USP47: variants seen among roughly 807,000 people sequenced by gnomAD.
The protein encoded by USP47 is ubiquitin carboxyl-terminal hydrolase 47.
USP47 carries 35 observed loss-of-function variants against 165.1 expected under a neutral mutation model. That is an observed-to-expected ratio of 0.21 (90% confidence interval 0.16 to 0.28). The LOEUF is 0.28. USP47 is among the 10% of genes least tolerant of loss of function. The pLI is 1.00. For missense variants in USP47, 1,277 were observed against 1,607.4 expected (o/e 0.79, Z 3.52); for synonymous variants, 531 against 544.5 (o/e 0.98, Z 0.35).
At chr11:11,883,757 C>T (rs1464934966) in intron 2 of USP47, among the ~76,000 whole-genome samples, 4 of 152,136 alleles carry the variant, frequency 2.6e-5, no homozygotes, top group Non-Finnish European at 1.5e-5. Flanking sequence ...ATTAGAATGA[C>T]AGCTAGAGTT....
intron 5 of USP47, among the ~76,000 whole-genome samples, chr11:11,898,208 G>A (rs1181312062): frequency 6.6e-6 from 1 of 151,958 alleles, no homozygotes; most frequent in East Asian, 1.9e-4. Flanking sequence ...TATGGAGGAA[G>A]TCTATGTTTA....
At chr11:11,913,448 A>G (rs537042164) in intron 8 of USP47, among the ~76,000 whole-genome samples, 2 of 152,002 alleles carry the variant, frequency 1.3e-5, no homozygotes, top group African/African-American at 4.8e-5. Flanking sequence ...CAAAAAATGT[A>G]CTGGACCTAT....
At chr11:11,884,877 A>G (rs61870721) in intron 3 of USP47, among the ~76,000 whole-genome samples, 2,556 of 152,296 alleles carry the variant, frequency 0.017, 33 homozygotes, top group Middle Eastern at 0.034. Flanking sequence ...TCAAAGTGCC[A>G]CAAAGATCTC....
chr11:11,942,548 G>A lies in USP47; in HGVS notation c.2527G>A (p.Val843Ile). ...DDDCERVKGP[V>I]GSLKSVEAIL... Reference sequence around the variant, plus strand: ...TGACTGTGAAAGAGTCAAAGGACCTGTAGGAAGCCTAAAGTCTGTGGAAGC... The same window carrying A: ...TGACTGTGAAAGAGTCAAAGGACCTATAGGAAGCCTAAAGTCTGTGGAAGC... The change falls in exon 20 of 28, where the codon GTA becomes ATA. Residue 843 changes from valine to isoleucine, a missense_variant. This residue lies in a region of USP47 where 909 missense variants were observed against 1,068.1 expected (regional missense o/e 0.85). Transcript: ENST00000527733. The A allele has an allele frequency of 1.4e-5, 22 of 1,613,574 alleles. No homozygotes were observed. The highest frequency in any genetic ancestry group is 1.7e-5 in the Non-Finnish European group (20 of 1,179,768).
chr11:11,909,249 A>G lies in USP47; in HGVS notation c.969+3701A>G, dbSNP rs117813154. ...TTTTTATTAATCCTGAAAAATTAATATCAGCTGAAGAATTACTTGTAGTAA... is the reference window on the plus strand; with the variant it reads ...TTTTTATTAATCCTGAAAAATTAATGTCAGCTGAAGAATTACTTGTAGTAA... On this transcript the variant is annotated intron_variant, in intron 8 of 27. Coordinates refer to ENST00000527733, the MANE Select transcript of USP47 (RefSeq NM_001282659.2). Among the ~76,000 whole-genome samples the G allele has an allele frequency of 2.9e-3, 439 of 152,282 alleles. 2 individuals are homozygous for G. Among genetic ancestry groups the G allele is most frequent in the Non-Finnish European group, 4.4e-3 (299 of 67,986 alleles).
intron 8 of USP47, 123 bp from the exon 9 acceptor site, chr11:11,920,033 T>G (rs940365786): frequency 1.2e-5 from 8 of 641,110 alleles, no homozygotes; most frequent in Non-Finnish European, 1.9e-5. Context: ...TTGGTACATT[T>G]TGAGTTCCTA....
At chr11:11,929,681 C>T (rs1787705111) in intron 12 of USP47, 116 bp downstream of exon 12, 19 of 1,368,420 alleles carry the variant, frequency 1.4e-5, no homozygotes, top group African/African-American at 2.9e-5. Context: ...TCTTAAGACC[C>T]ATATCAAATC....
intron 1 of USP47, among the ~76,000 whole-genome samples, chr11:11,857,948 T>G (rs767863157): frequency 6.6e-5 from 10 of 152,114 alleles, no homozygotes; most frequent in Non-Finnish European, 1.3e-4. Context: ...ACCAATCAGA[T>G]GTTTGCATAG....
intron 1 of USP47, among the ~76,000 whole-genome samples, chr11:11,846,873 CT>C (rs1378705282): frequency 6.6e-6 from 1 of 151,976 alleles, no homozygotes; most frequent in African/African-American, 2.4e-5. Context: ...TTTAGTGATT[CT>C]TTTAAAATGA....
intron 1 of USP47, among the ~76,000 whole-genome samples, chr11:11,878,081 C>A (rs569708968): frequency 2.2e-4 from 33 of 151,944 alleles, no homozygotes; most frequent in Non-Finnish European, 2.2e-4. Context: ...CATATTTAGT[C>A]TTTAGATAGG....
chr11:11,890,847 C>A (rs1040996761), intron 3 of USP47, among the ~76,000 whole-genome samples: 1 of 152,164 alleles, frequency 6.6e-6, no homozygotes, highest in African/African-American at 2.4e-5. Context: ...CTAACAAGAT[C>A]ATGTCCTTTG....
chr11:11,910,486 C>T (rs1852886238), intron 8 of USP47, among the ~76,000 whole-genome samples: 1 of 152,110 alleles, frequency 6.6e-6, no homozygotes, highest in Non-Finnish European at 1.5e-5. Flanking sequence ...TCAACTTGTG[C>T]CTGCCAGTGC....
chr11:11,938,580 G>A (rs1855241848), intron 18 of USP47, among the ~76,000 whole-genome samples: 1 of 152,060 alleles, frequency 6.6e-6, no homozygotes, highest in African/African-American at 2.4e-5. Context: ...CAACTTATAT[G>A]TGTTGGCTGG....
intron 1 of USP47, among the ~76,000 whole-genome samples, chr11:11,852,481 T>C (rs1283238768): frequency 6.6e-6 from 1 of 152,188 alleles, no homozygotes; most frequent in Admixed American, 6.5e-5. Context: ...TTCCTTACTT[T>C]CCAACACCAC....
intron 8 of USP47, among the ~76,000 whole-genome samples, chr11:11,910,455 A>G (rs116328646): frequency 2.2e-3 from 336 of 152,216 alleles, no homozygotes; most frequent in African/African-American, 7.7e-3. Context: ...ACCAAACACC[A>G]CAGAAAGAAA....
chr11:11,948,931 T>C (rs985665602), intron 22 of USP47: 1 of 191,426 alleles, frequency 5.2e-6, no homozygotes, highest in Non-Finnish European at 1.1e-5. Flanking sequence ...TTTGTGCGTG[T>C]GCTTGCTTTC....
Position 11,942,579 on chromosome 11 carries a change from T to C in USP47, c.2558T>C (p.Leu853Pro), listed in dbSNP as rs760098524. ...VGSLKSVEAI[L>P]EESTEKLKSL... ...AGCCTAAAGTCTGTGGAAGCTATTC[T>C]AGAAGAAAGCACTGAAAAACTCAAA... is the stretch of plus-strand genomic sequence containing the variant. The change falls in exon 20 of 28, where the codon CTA becomes CCA. Residue 853 changes from leucine (L) to proline (P), a missense_variant. Around this residue, in one of 4 missense-constraint regions of USP47, gnomAD observed 909 missense variants for 1,068.1 expected, o/e 0.85. Coordinates refer to ENST00000527733, the MANE Select transcript of USP47 (RefSeq NM_001282659.2). 1 of 1,613,360 alleles carries C rather than the reference T, an allele frequency of 6.2e-7. No individual in the cohort carries two copies. The highest frequency in any genetic ancestry group is 1.3e-5 in the African/African-American group (1 of 74,864).
chr11:11,852,175 A>G (rs1231003180), intron 1 of USP47, among the ~76,000 whole-genome samples: 2 of 152,114 alleles, frequency 1.3e-5, no homozygotes, highest in African/African-American at 4.8e-5. Context: ...TTTATCATCT[A>G]TCTGTGATCT....
intron 18 of USP47, among the ~76,000 whole-genome samples, chr11:11,938,980 T>A (rs922370919): frequency 6.6e-6 from 1 of 151,846 alleles, no homozygotes; most frequent in Non-Finnish European, 1.5e-5. Flanking sequence ...TAGGGATACA[T>A]TAATAGAAAT....
Sources: allele counts gnomAD v4.1 joint callset (sites outside exome capture counted in the v4.1 genomes callset), GRCh38; gene constraint gnomAD v4.1.1; regional missense constraint gnomAD v4.1.1; transcripts MANE v1.5; gene names NCBI Gene and HGNC (gene_info 2026-07-23, HGNC 2026-07-21).